Variants in MTMR7 observed in about 807,000 individuals in gnomAD.
MTMR7 encodes the protein myotubularin related protein 7.
A neutral mutation model predicts 81.2 loss-of-function variants in MTMR7; 76 were observed. The ratio of observed to expected loss-of-function variants is 0.94; its 90% CI spans 0.78 to 1.13. The LOEUF is 1.13. MTMR7 is among the 50% of genes most tolerant of loss of function. MTMR7 has a pLI of 0.00. For synonymous variants in MTMR7, 372 were observed against 289.8 expected (o/e 1.28, Z -2.88); for missense variants, 1,044 against 820.0 (o/e 1.27, Z -3.34).
At chr8:17,360,862 G>A (rs373555677) in intron 4 of MTMR7, among the ~76,000 whole-genome samples, 58 of 152,196 alleles carry the variant, frequency 3.8e-4, no homozygotes, top group African/African-American at 1.3e-3. Context: ...CCTGCCACCC[G>A]GCCTCTCTGG....
At chr8:17,344,022 G>T (rs1172576526) in intron 5 of MTMR7, among the ~76,000 whole-genome samples, 2 of 152,046 alleles carry the variant, frequency 1.3e-5, no homozygotes, top group Non-Finnish European at 2.9e-5. Flanking sequence ...CAACATTTTT[G>T]ATGGCTTACT....
Position 17,361,207 on chromosome 8 carries a change from G to C in MTMR7, c.378C>G (p.Gly126=). 3 of 1,614,098 alleles carry C rather than the reference G, an allele frequency of 1.9e-6. No individual in the cohort carries two copies. The highest frequency in any genetic ancestry group is 2.5e-6 in the Non-Finnish European group (3 of 1,179,972). Residue 126 remains glycine, a synonymous_variant, in exon 4 of 14, where the codon GGC becomes GGG. Coordinates refer to ENST00000180173, the MANE Select transcript of MTMR7 (RefSeq NM_004686.5). ...PMLDKEEREQ[G]WVLIDLSEEY... ...CTTCACTAAGATCGATCAGCACCCA[G>C]CCTTGCTCTCTTTCTTCTTTATCCA...
At chr8:17,331,060 A>C (rs1297413833) in intron 7 of MTMR7, 90 bp downstream of exon 7, 1 of 1,471,724 alleles carries the variant, frequency 6.8e-7, no homozygotes, top group Non-Finnish European at 9.2e-7. Flanking sequence ...CACCTATGTA[A>C]AAACATTTTA....
intron 1 of MTMR7, among the ~76,000 whole-genome samples, chr8:17,407,944 C>G (rs1478111094): frequency 6.6e-6 from 1 of 152,144 alleles, no homozygotes; most frequent in Non-Finnish European, 1.5e-5. Flanking sequence ...ACAGACAGAA[C>G]TTGAAAATGA....
intron 5 of MTMR7, among the ~76,000 whole-genome samples, chr8:17,347,580 A>ATAT (rs1819597198): frequency 1.3e-5 from 2 of 152,176 alleles, no homozygotes; most frequent in Non-Finnish European, 2.9e-5. Flanking sequence ...ATCCAGAAGT[A>ATAT]TATTATCTAG....
rs1819334200 is a variant in MTMR7, at chr8:17,339,028, A to G, written c.732+2335T>C. The G allele has an allele frequency of 2.0e-5, 3 of 152,154 alleles. No homozygotes were observed. The South Asian group carries it at 6.2e-4, about 31-fold the overall frequency. The allele number at this position is 152,154 out of a possible 1,614,324, so 9.4% of individuals were successfully genotyped here. On this transcript the variant is annotated intron_variant, in intron 6 of 13. Coordinates refer to ENST00000180173, the MANE Select transcript of MTMR7 (RefSeq NM_004686.5). Reference sequence around the variant, plus strand: ...TCACATTCCATTATCCTGGACACAAATCATAATACTTGGTGACATGAAGTT... The same window carrying G: ...TCACATTCCATTATCCTGGACACAAGTCATAATACTTGGTGACATGAAGTT...
At chr8:17,317,647 G>C (rs1405173552) in intron 7 of MTMR7, among the ~76,000 whole-genome samples, 1 of 152,168 alleles carries the variant, frequency 6.6e-6, no homozygotes, top group East Asian at 1.9e-4. Flanking sequence ...GGAGGAAGGA[G>C]GCTGGGACCC....
intron 8 of MTMR7, among the ~76,000 whole-genome samples, chr8:17,312,147 ATATC>A (rs1212732407): frequency 6.6e-6 from 1 of 152,268 alleles, no homozygotes; most frequent in East Asian, 1.9e-4. Context: ...TAAGAAAAGA[ATATC>A]TATTTGCTAT....
intron 5 of MTMR7, among the ~76,000 whole-genome samples, chr8:17,341,725 G>A (rs1257890852): frequency 6.6e-6 from 1 of 152,202 alleles, no homozygotes; most frequent in Non-Finnish European, 1.5e-5. Flanking sequence ...TATTAGGAAT[G>A]TGTAGAGATG....
chr8:17,309,332 C>T lies in MTMR7; in HGVS notation c.1102-6G>A. On this transcript the variant is annotated splice_region_variant and splice_polypyrimidine_tract_variant and intron_variant, in intron 9 of 13. Coordinates refer to ENST00000180173, the MANE Select transcript of MTMR7 (RefSeq NM_004686.5). The stretch of plus-strand genomic sequence containing the variant: ...CAGTCCTTTTCAATTAATACCTACA[C>T]AAGAAAGAATACAAATATCTTGGAG... 6.5e-7 allele frequency: 1 copy of T among 1,546,250 alleles called. No individual in the cohort carries two copies. The highest frequency in any genetic ancestry group is 8.9e-7 in the Non-Finnish European group (1 of 1,120,260).
At chr8:17,380,231 T>C (rs966552709) in intron 1 of MTMR7, among the ~76,000 whole-genome samples, 1 of 152,212 alleles carries the variant, frequency 6.6e-6, no homozygotes, top group East Asian at 1.9e-4. Context: ...CCAACCCCAG[T>C]TGTCAGTTTG....
intron 12 of MTMR7, among the ~76,000 whole-genome samples, chr8:17,303,835 C>G (rs1225883460): frequency 1.3e-5 from 2 of 152,128 alleles, no homozygotes; most frequent in African/African-American, 4.8e-5. Flanking sequence ...GTCTTGAACT[C>G]CTGACCTAGG....
chr8:17,309,107 A>G, intron 10 of MTMR7, among the ~76,000 whole-genome samples, 170 bp downstream of exon 10: 1 of 152,244 alleles, frequency 6.6e-6, no homozygotes, highest in Non-Finnish European at 1.5e-5. Context: ...AAAAGGAATC[A>G]GTTATAACTT....
chr8:17,309,219 A>G (rs1817654250), intron 10 of MTMR7, 58 bp downstream of exon 10: 1 of 1,171,156 alleles, frequency 8.5e-7, no homozygotes, highest in Admixed American at 2.2e-5. Context: ...TTCAATTGAA[A>G]TTTTCAGAAA....
In MTMR7 at chr8:17,300,151, T is replaced by G. The variant is rs1817020533; in HGVS notation, c.1694A>C (p.His565Pro). 6.2e-7 allele frequency: 1 copy of G among 1,613,986 alleles called. No individual in the cohort carries two copies. The highest frequency in any genetic ancestry group is 8.5e-7 in the Non-Finnish European group (1 of 1,180,012). ...GTTGTCTGAGGTAGAAAACCCTGAG[T>G]GCTTGCTGGGCTCACTTTGCTTACT... ...VKSKQSEPSK[H>P]SGFSTSDNSI... The change falls in exon 14 of 14, where the codon CAC (histidine) becomes CCC (proline). Residue 565 changes from histidine to proline, a missense_variant. Physicochemically the swap from His to Pro is moderately conservative, Grantham distance 77. Transcript: ENST00000180173.
intron 1 of MTMR7, among the ~76,000 whole-genome samples, chr8:17,383,093 G>C: frequency 6.6e-6 from 1 of 151,844 alleles, no homozygotes; most frequent in African/African-American, 2.4e-5. Flanking sequence ...TGGGGGGTGT[G>C]GAAGGTCCCA....
Position 17,413,326 on chromosome 8 carries a change from G to C in MTMR7, c.-34C>G. ...CACGTCTGCAGGGTCCCGGGCGGGC[G>C]CGGCCTCACGCACCTGCGCGCCTCT... On this transcript the variant is annotated 5_prime_UTR_variant, in exon 1 of 14. Transcript: ENST00000180173. 6.6e-7 allele frequency: 1 copy of C among 1,524,008 alleles called. No individual in the cohort carries two copies. The allele number at this position is 1,524,008 out of a possible 1,614,324, so 94.4% of individuals were successfully genotyped here.
intron 7 of MTMR7, among the ~76,000 whole-genome samples, chr8:17,327,666 A>G (rs1432048883): frequency 6.6e-6 from 1 of 152,162 alleles, no homozygotes; most frequent in East Asian, 1.9e-4. Context: ...TCTCTAAACC[A>G]AATATATTAT....
chr8:17,328,258 A>G lies in MTMR7; in HGVS notation c.865+2892T>C, dbSNP rs1398603946. Among the ~76,000 whole-genome samples the G allele has an allele frequency of 4.6e-5, 7 of 152,274 alleles. No homozygotes were observed. The East Asian group carries it at 7.7e-4, about 17-fold the overall frequency. ...GGTGTCCCAGTGGGGCACACCCTCA[A>G]CAAGTGGAGAGATGCAAGTAACTCC... On this transcript the variant is annotated intron_variant, in intron 7 of 13. Coordinates refer to ENST00000180173, the MANE Select transcript of MTMR7 (RefSeq NM_004686.5).
Sources: allele counts gnomAD v4.1 joint callset (sites outside exome capture counted in the v4.1 genomes callset), GRCh38; gene constraint gnomAD v4.1.1; transcripts MANE v1.5; gene names NCBI Gene and HGNC (gene_info 2026-07-23, HGNC 2026-07-21).